PHTF2: variants seen among roughly 807,000 people sequenced by gnomAD.
PHTF2 encodes putative homeodomain transcription factor 2.
PHTF2 carries 60 observed loss-of-function variants against 101.2 expected under a neutral mutation model. The ratio of observed to expected loss-of-function variants is 0.59; its 90% CI spans 0.48 to 0.73. PHTF2 has a LOEUF of 0.73. Ranked by LOEUF, PHTF2 falls within the 30% of genes least tolerant of loss-of-function variation. The probability of loss-of-function intolerance (pLI) is 0.00; values close to 1 mark genes in which losing one functional copy is unlikely to be tolerated. For synonymous variants in PHTF2, 311 were observed against 307.3 expected (o/e 1.01, Z -0.13); for missense variants, 747 against 908.7 (o/e 0.82, Z 2.29).
chr7:77,937,873 G>T (rs749638239), intron 13 of PHTF2, 35 bp downstream of exon 12: 3 of 1,114,464 alleles, frequency 2.7e-6, no homozygotes, highest in Non-Finnish European at 3.7e-6. Flanking sequence ...TAGTTCAAGG[G>T]TAAGACTTAG....
intron 7 of PHTF2, 129 bp from the exon 7 acceptor site, chr7:77,908,664 G>T: frequency 3.5e-6 from 2 of 569,238 alleles, no homozygotes; most frequent in Non-Finnish European, 6.0e-6. Flanking sequence ...TGTCTCTATA[G>T]TAATATTTTA....
intron 1 of PHTF2, among the ~76,000 whole-genome samples, chr7:77,839,259 C>G (rs1014220731): frequency 6.6e-6 from 1 of 152,112 alleles, no homozygotes; most frequent in Non-Finnish European, 1.5e-5. Flanking sequence ...TAGGCTCATC[C>G]TTAACACTAG....
intron 3 of PHTF2, among the ~76,000 whole-genome samples, chr7:77,885,192 C>T (rs754056068): frequency 5.3e-5 from 8 of 152,088 alleles, no homozygotes; most frequent in Admixed American, 6.6e-5. Context: ...CTCCTGGGCT[C>T]AATAAATCCT....
chr7:77,949,997 C>T (rs1389929128), intron 17 of PHTF2, among the ~76,000 whole-genome samples, 164 bp downstream of exon 16: 12 of 152,136 alleles, frequency 7.9e-5, no homozygotes, highest in Admixed American at 1.3e-4. Context: ...AGTGTTCCTG[C>T]CTTGACTCAT....
chr7:77,906,873 A>C, intron 7 of PHTF2, among the ~76,000 whole-genome samples: 1 of 148,724 alleles, frequency 6.7e-6, no homozygotes. Flanking sequence ...GCACCACTGC[A>C]CTCCAGCCTG....
rs11972041 is a variant in PHTF2 at position 77,841,149 on chromosome 7, G to A, written c.45+849G>A. Among the ~76,000 whole-genome samples, 765 of 138,900 alleles carry A rather than the reference G, an allele frequency of 5.5e-3. 8 individuals are homozygous for A. The highest frequency in any genetic ancestry group is 0.02 in the African/African-American group (724 of 35,648). The allele number at this position is 138,900 out of a possible 152,430, so 91.1% of individuals were successfully genotyped here. A position where few individuals can be genotyped will look rare whatever the true frequency, so the allele number is the denominator to read the frequency against. ...GACTGGAGTGTAGTGGCGCGATCTC[G>A]GCTCACTGCAACCTCTGCCTCCTGG... On this transcript the variant is annotated intron_variant, in intron 2 of 19. Transcript: ENST00000416283.
At chr7:77,866,902 CTATGA>C (rs924006194) in intron 3 of PHTF2, among the ~76,000 whole-genome samples, 3 of 152,118 alleles carry the variant, frequency 2.0e-5, no homozygotes, top group Non-Finnish European at 4.4e-5. Context: ...AGAGTATATG[CTATGA>C]TGAGTAGTAA....
chr7:77,924,047 T>G (rs1803727301), intron 11 of PHTF2: 1 of 941,656 alleles, frequency 1.1e-6, no homozygotes, highest in Admixed American at 6.2e-5. Context: ...GTCTATAAAG[T>G]GAAGAATGTA....
At chr7:77,918,551 C>T (rs34236870) in intron 9 of PHTF2, among the ~76,000 whole-genome samples, 15,300 of 152,152 alleles carry the variant, frequency 0.1, 840 homozygotes, top group Middle Eastern at 0.12. Flanking sequence ...TTCAGGATAT[C>T]AAGTAACAAC....
intron 18 of PHTF2, among the ~76,000 whole-genome samples, chr7:77,953,341 A>G (rs142035876): frequency 6.6e-5 from 10 of 152,348 alleles, no homozygotes; most frequent in Non-Finnish European, 1.3e-4. Context: ...TGAATTAACC[A>G]ATTAATTAAT....
chr7:77,884,743 T>TA (rs1799683883), intron 3 of PHTF2, among the ~76,000 whole-genome samples: 2 of 151,966 alleles, frequency 1.3e-5, no homozygotes, highest in African/African-American at 4.8e-5. Flanking sequence ...CCAAAAATGT[T>TA]AAAAAATTAG....
chr7:77,874,117 C>T (rs1798743495), intron 3 of PHTF2, among the ~76,000 whole-genome samples: 1 of 152,194 alleles, frequency 6.6e-6, no homozygotes, highest in South Asian at 2.1e-4. Context: ...TGTGTTGAGT[C>T]ACTAAACTCC....
intron 3 of PHTF2, among the ~76,000 whole-genome samples, chr7:77,892,992 T>C (rs143396530): frequency 3.3e-5 from 5 of 152,326 alleles, no homozygotes; most frequent in Non-Finnish European, 7.4e-5. Flanking sequence ...TTGGAAGTTT[T>C]TCCCCAAATA....
intron 12 of PHTF2, among the ~76,000 whole-genome samples, chr7:77,931,365 A>G (rs1300526537): frequency 6.6e-6 from 1 of 152,252 alleles, no homozygotes; most frequent in Non-Finnish European, 1.5e-5. Flanking sequence ...GTGTTACTAC[A>G]TACAGGACAT....
At chr7:77,945,557 A>G (rs1390189300) in intron 16 of PHTF2, among the ~76,000 whole-genome samples, 1 of 151,868 alleles carries the variant, frequency 6.6e-6, no homozygotes, top group Non-Finnish European at 1.5e-5. Flanking sequence ...GAAAAGAATG[A>G]TAGCAACAAA....
intron 2 of PHTF2, among the ~76,000 whole-genome samples, chr7:77,851,378 C>CAAATGG (rs1796746561): frequency 6.6e-6 from 1 of 152,050 alleles, no homozygotes; most frequent in Non-Finnish European, 1.5e-5. Flanking sequence ...TCTAGGTTTT[C>CAAATGG]CAATTTATTG....
intron 12 of PHTF2, among the ~76,000 whole-genome samples, chr7:77,934,991 T>G (rs540575636): frequency 6.6e-6 from 1 of 151,742 alleles, no homozygotes; most frequent in East Asian, 1.9e-4. Context: ...TAGAGTAACC[T>G]ATGTGATAAA....
At chr7:77,913,768 C>T (rs900518126) in intron 9 of PHTF2, among the ~76,000 whole-genome samples, 2 of 152,082 alleles carry the variant, frequency 1.3e-5, no homozygotes, top group East Asian at 3.9e-4. Flanking sequence ...CTTTAACTTT[C>T]ACTTTAGTGT....
At chr7:77,805,398 A>G (rs1584342401) in intron 1 of PHTF2, among the ~76,000 whole-genome samples, 2 of 152,216 alleles carry the variant, frequency 1.3e-5, no homozygotes, top group East Asian at 1.9e-4. Flanking sequence ...TCTATCCTCA[A>G]TTTGACTGGT....
Sources: allele counts gnomAD v4.1 joint callset (sites outside exome capture counted in the v4.1 genomes callset), GRCh38; gene constraint gnomAD v4.1.1; transcripts MANE v1.5; gene names NCBI Gene and HGNC (gene_info 2026-07-23, HGNC 2026-07-21).